Variants in SHROOM3 observed in about 807,000 individuals in gnomAD.
The protein encoded by SHROOM3 is shroom family member 3, also known as protein Shroom3.
Under a neutral mutation model 138.6 loss-of-function variants are expected in SHROOM3, and 47 were observed. The ratio of observed to expected loss-of-function variants is 0.34; its 90% CI spans 0.27 to 0.43. The LOEUF is 0.43. Among genes scored for constraint, SHROOM3 ranks in the 20% least tolerant of loss-of-function variants. SHROOM3 has a pLI of 1.00. For synonymous variants in SHROOM3, 1,062 were observed against 1,063.3 expected (o/e 1.00, Z 0.02); for missense variants, 2,491 against 2,596.5 (o/e 0.96, Z 0.88).
chr4:76,591,025 T>A (rs1734262969), intron 2 of SHROOM3, among the ~76,000 whole-genome samples: 1 of 152,086 alleles, frequency 6.6e-6, no homozygotes, highest in Non-Finnish European at 1.5e-5. Flanking sequence ...GAAAAATAGG[T>A]AGGGAAAGTA....
Position 76,710,157 on chromosome 4 carries a change from G to A in SHROOM3, c.325G>A (p.Asp109Asn). ...YKTLRLVVRR[D>N]VCTDPGHADT... ...TTCTTCTTTTCCTATTGTTGACAGAGATGTGTGCACAGACCCAGGCCATGC... is the reference window on the plus strand; with the variant it reads ...TTCTTCTTTTCCTATTGTTGACAGAAATGTGTGCACAGACCCAGGCCATGC... The change falls in exon 3 of 11, where the codon GAT (aspartate) becomes AAT (asparagine). Residue 109 changes from aspartate to asparagine, a missense_variant and splice_region_variant. By Grantham distance (23) the Asp-to-Asn change is conservative (BLOSUM62 1). Around this residue, in one of 4 missense-constraint regions of SHROOM3, gnomAD observed 284 missense variants for 322.8 expected, o/e 0.88. Transcript: ENST00000296043. 1.2e-6 allele frequency: 2 copies of A among 1,614,054 alleles called. No individual in the cohort carries two copies. The highest frequency in any genetic ancestry group is 1.7e-6 in the Non-Finnish European group (2 of 1,179,994).
intron 1 of SHROOM3, among the ~76,000 whole-genome samples, chr4:76,443,992 A>G (rs943177626): frequency 2.6e-5 from 4 of 152,108 alleles, no homozygotes; most frequent in African/African-American, 4.8e-5. Flanking sequence ...CAGTGGCATG[A>G]TCACAGCTCA....
In SHROOM3 at chr4:76,441,121, A is replaced by G. The variant is rs1197462614; in HGVS notation, c.168+4901A>G. On this transcript the variant is annotated intron_variant, in intron 1 of 10. Transcript: ENST00000296043. The stretch of plus-strand genomic sequence containing the variant: ...TTTTTTTTTTTTGAGACAGAGTCTC[A>G]CTCTGTCGCCCAGGCTGGAGTGCAG... Among the ~76,000 whole-genome samples, 14 of 115,352 alleles carry G rather than the reference A, an allele frequency of 1.2e-4. No homozygotes were observed. In the East Asian group the frequency reaches 2.6e-3, roughly 21 times the overall value. The allele number at this position is 115,352 out of a possible 152,430, so 75.7% of individuals were successfully genotyped here.
rs949517587 is a variant in SHROOM3 at position 76,741,348 on chromosome 4, C to G, written c.3175C>G (p.Arg1059Gly). 1 of 1,609,806 alleles carries G rather than the reference C, an allele frequency of 6.2e-7. No homozygotes were observed. The highest frequency in any genetic ancestry group is 8.5e-7 in the Non-Finnish European group (1 of 1,178,764). The change falls in exon 5 of 11, where the codon CGT becomes GGT. Residue 1059 changes from arginine (R) to glycine (G), a missense_variant. Arg to Gly is a moderately radical substitution (Grantham distance 125). Transcript: ENST00000296043. The surrounding 1 kb of genome is among the most constrained non-coding windows in gnomAD (Gnocchi z 6.2). ...GGAGAGCAGCGTGGCCGACCGGCGC[C>G]GTCTCTTCGAGCGCGATGGCAAGGC... ...FPESSVADRR[R>G]LFERDGKACS...
chr4:76,630,420 C>T (rs1278558157), intron 2 of SHROOM3, among the ~76,000 whole-genome samples: 1 of 152,170 alleles, frequency 6.6e-6, no homozygotes, highest in Admixed American at 6.5e-5. Context: ...AAGCAAAACT[C>T]CAGGTAGTAG....
chr4:76,754,258 A>C (rs779516604), intron 6 of SHROOM3, 53 bp from the exon 7 acceptor site: 2 of 1,610,764 alleles, frequency 1.2e-6, no homozygotes, highest in East Asian at 4.5e-5. Context: ...ATTGGGCTGC[A>C]TGTTTGCCCC....
At chr4:76,514,592 G>T (rs527720066) in intron 1 of SHROOM3, among the ~76,000 whole-genome samples, 1 of 152,238 alleles carries the variant, frequency 6.6e-6, no homozygotes, top group East Asian at 1.9e-4. Context: ...CCACAACTCT[G>T]TAAATACACT....
chr4:76,569,190 G>T (rs1733786544), intron 2 of SHROOM3, among the ~76,000 whole-genome samples: 2 of 152,312 alleles, frequency 1.3e-5, no homozygotes, highest in African/African-American at 2.4e-5. Context: ...GAGGGTTTGG[G>T]GCTTACGTTT....
chr4:76,618,987 A>C (rs1734941176), intron 2 of SHROOM3, among the ~76,000 whole-genome samples: 1 of 152,170 alleles, frequency 6.6e-6, no homozygotes. Context: ...AGCTGGGATA[A>C]TAGGCACCTG....
At chr4:76,720,155 T>G (rs1033770483) in intron 3 of SHROOM3, among the ~76,000 whole-genome samples, 5 of 65,666 alleles carry the variant, frequency 7.6e-5, no homozygotes, top group South Asian at 7.6e-4. Context: ...TTTTAGGTTT[T>G]TTTTTTTTTT....
At chr4:76,625,641 A>G (rs1735118639) in intron 2 of SHROOM3, among the ~76,000 whole-genome samples, 1 of 151,946 alleles carries the variant, frequency 6.6e-6, no homozygotes, top group Non-Finnish European at 1.5e-5. Flanking sequence ...TTCCTTTCCT[A>G]CTTCACACTC....
At position 76,740,226 on chromosome 4, in the gene SHROOM3, C is replaced by G; in HGVS notation, c.2053C>G (p.Gln685Glu). The G allele has an allele frequency of 6.2e-7, 1 of 1,613,446 alleles. No individual in the cohort carries two copies. Among genetic ancestry groups the G allele is most frequent in the East Asian group, 2.2e-5 (1 of 44,882 alleles). ...CAGCCTGGAGCTAGGCCGGGGAACCCAGGAGGGTTACCCCGGGGGCAGGCC... is the reference window on the plus strand; with the variant it reads ...CAGCCTGGAGCTAGGCCGGGGAACCGAGGAGGGTTACCCCGGGGGCAGGCC... Reference protein sequence around the residue: ...HSSLELGRGTQEGYPGGRPTC... With the variant: ...HSSLELGRGTEEGYPGGRPTC... The change falls in exon 5 of 11, where the codon CAG becomes GAG. Residue 685 changes from glutamine (Q) to glutamate (E), a missense_variant. Around this residue, in one of 4 missense-constraint regions of SHROOM3, gnomAD observed 1,733 missense variants for 1,661.6 expected, o/e 1.04. Coordinates refer to ENST00000296043, the MANE Select transcript of SHROOM3 (RefSeq NM_020859.4). This position sits in a 1 kb window ranked among gnomAD's most constrained non-coding sequence, Gnocchi z 4.0.
chr4:76,739,245 C>G lies in SHROOM3; in HGVS notation c.1072C>G (p.Pro358Ala). The G allele has an allele frequency of 6.2e-7, 1 of 1,614,060 alleles. No homozygotes were observed. ...SNIPRGKGVP[P>A]PSWSQQCPSS... ...TATTCCTCGGGGCAAGGGAGTGCCA[C>G]CCCCATCCTGGAGCCAGCAGTGCCC... is the stretch of plus-strand genomic sequence containing the variant. Residue 358 changes from proline (P) to alanine (A), a missense_variant, in exon 5 of 11, where the codon CCC becomes GCC. By Grantham distance (27) the Pro-to-Ala change is conservative. Transcript: ENST00000296043.
At chr4:76,647,630 C>T (rs1021528148) in intron 2 of SHROOM3, among the ~76,000 whole-genome samples, 1 of 152,152 alleles carries the variant, frequency 6.6e-6, no homozygotes, top group African/African-American at 2.4e-5. Context: ...CAGAGTGGAT[C>T]ATACCTGTAA....
At chr4:76,732,428 C>T (rs1350190777) in intron 4 of SHROOM3, among the ~76,000 whole-genome samples, 1 of 152,186 alleles carries the variant, frequency 6.6e-6, no homozygotes, top group African/African-American at 2.4e-5. Flanking sequence ...AACAGTAGCT[C>T]ATGGAATTGA....
intron 2 of SHROOM3, among the ~76,000 whole-genome samples, chr4:76,562,147 G>A (rs557351051): frequency 4.1e-4 from 62 of 152,228 alleles, no homozygotes; most frequent in Admixed American, 3.1e-3. Flanking sequence ...GAAATGCACC[G>A]GACTACTTTG....
chr4:76,762,022 A>G (rs541358164), intron 9 of SHROOM3, among the ~76,000 whole-genome samples: 25 of 152,300 alleles, frequency 1.6e-4, no homozygotes, highest in South Asian at 2.1e-4. Flanking sequence ...TGGCCTTGCT[A>G]TCCTCAACAC....
At chr4:76,595,061 G>A (rs1346746170) in intron 2 of SHROOM3, among the ~76,000 whole-genome samples, 1 of 152,134 alleles carries the variant, frequency 6.6e-6, no homozygotes, top group East Asian at 1.9e-4. Context: ...TGTGACCTTG[G>A]ATAAGTTACC....
chr4:76,453,759 T>C (rs1730973725), intron 1 of SHROOM3, among the ~76,000 whole-genome samples: 1 of 152,220 alleles, frequency 6.6e-6, no homozygotes, highest in Admixed American at 6.5e-5. Context: ...TTGTAGTTTT[T>C]TATGTATCCT....
Sources: gnomAD v4.1 joint callset for allele counts (sites outside exome capture counted in the v4.1 genomes callset) on GRCh38, gnomAD v4.1.1 for gene constraint, gnomAD v4.1.1 regional missense constraint, Gnocchi (gnomAD v3.1) non-coding constraint, MANE v1.5 for transcripts, NCBI Gene and HGNC (gene_info 2026-07-23, HGNC 2026-07-21) for gene names.